Variants in CDH4 observed in about 807,000 individuals in gnomAD.
CDH4 encodes the protein cadherin 4, also known as cadherin-4.
CDH4 carries 33 observed loss-of-function variants against 86.0 expected under a neutral mutation model. The observed-to-expected ratio is 0.38, with a 90% confidence interval of 0.29 to 0.51. The LOEUF is 0.51. Among genes scored for constraint, CDH4 ranks in the 20% least tolerant of loss-of-function variants. The pLI is 0.86. For synonymous variants in CDH4, 555 were observed against 549.4 expected (o/e 1.01, Z -0.14); for missense variants, 1,114 against 1,307.4 (o/e 0.85, Z 2.28).
chr20:61,575,198 C>T (rs1374550929), intron 2 of CDH4, among the ~76,000 whole-genome samples: 1 of 152,202 alleles, frequency 6.6e-6, no homozygotes, highest in Non-Finnish European at 1.5e-5. Context: ...GGCCTAGTTT[C>T]TCTCTATTTC....
intron 5 of CDH4, among the ~76,000 whole-genome samples, chr20:61,852,450 C>T (rs947878118): frequency 1.3e-5 from 2 of 152,252 alleles, no homozygotes; most frequent in African/African-American, 4.8e-5. Context: ...GTCGGTGGCT[C>T]ACGGAACAGT....
At chr20:61,721,318 A>C (rs2088038506) in intron 2 of CDH4, among the ~76,000 whole-genome samples, 1 of 152,208 alleles carries the variant, frequency 6.6e-6, no homozygotes, top group Non-Finnish European at 1.5e-5. Context: ...AATGGATGGA[A>C]TTAAGGCCAG....
At chr20:61,453,656 T>C (rs1389312842) in intron 2 of CDH4, among the ~76,000 whole-genome samples, 1 of 152,196 alleles carries the variant, frequency 6.6e-6, no homozygotes. Flanking sequence ...TAGATTTGAT[T>C]CTATGTATTT....
At chr20:61,872,412 T>C (rs775935346) in intron 6 of CDH4, among the ~76,000 whole-genome samples, 3 of 152,074 alleles carry the variant, frequency 2.0e-5, no homozygotes, top group African/African-American at 4.8e-5. Context: ...GCAGAACAGA[T>C]TGTGCAAGAT....
rs760401271 is a variant in CDH4 at position 61,743,630 on chromosome 20, T to C, written c.237T>C (p.Val79=). 3 of 1,590,952 alleles carry C rather than the reference T, an allele frequency of 1.9e-6. No individual in the cohort carries two copies. Among genetic ancestry groups the C allele is most frequent in the Middle Eastern group, 1.7e-4 (1 of 6,036 alleles). The part of the protein sequence containing the change: ...QYETNSMDFK[V]GADGTVFATR... Reference sequence around the variant, plus strand: ...AGACCAACAGCATGGACTTCAAAGTTGGGGCAGATGGGACAGTCTTCGCCA... The same window carrying C: ...AGACCAACAGCATGGACTTCAAAGTCGGGGCAGATGGGACAGTCTTCGCCA... Residue 79 remains valine, a synonymous_variant, in exon 3 of 16, where the codon GTT becomes GTC. Coordinates refer to ENST00000614565, the MANE Select transcript of CDH4 (RefSeq NM_001794.5).
chr20:61,880,396 T>C (rs1281879353), intron 7 of CDH4, among the ~76,000 whole-genome samples: 1 of 152,088 alleles, frequency 6.6e-6, no homozygotes, highest in East Asian at 1.9e-4. Context: ...AAAAAAATAT[T>C]AGCAATTGAG....
intron 2 of CDH4, among the ~76,000 whole-genome samples, chr20:61,272,798 G>A (rs1269619800): frequency 6.7e-6 from 1 of 149,080 alleles, no homozygotes; most frequent in Non-Finnish European, 1.5e-5. Flanking sequence ...GTTTTGGGGA[G>A]TACCATGCAC....
At chr20:61,858,503 CTG>C (rs1419289141) in intron 6 of CDH4, among the ~76,000 whole-genome samples, 3 of 147,968 alleles carry the variant, frequency 2.0e-5, no homozygotes, top group Admixed American at 6.7e-5. Context: ...ATGTGTGTGT[CTG>C]TGTCTGTGTA....
At chr20:61,556,585 C>T (rs912682572) in intron 2 of CDH4, among the ~76,000 whole-genome samples, 3 of 152,212 alleles carry the variant, frequency 2.0e-5, no homozygotes, top group Non-Finnish European at 2.9e-5. Flanking sequence ...GGCCATCACA[C>T]GGCGAAGACT....
intron 2 of CDH4, among the ~76,000 whole-genome samples, chr20:61,554,675 C>T (rs975420466): frequency 3.9e-5 from 6 of 152,348 alleles, no homozygotes; most frequent in South Asian, 2.1e-4. Context: ...GTGGGTCAGC[C>T]GGCAGAGCAG....
intron 2 of CDH4, among the ~76,000 whole-genome samples, chr20:61,422,162 C>T (rs1297947130): frequency 1.3e-5 from 2 of 152,152 alleles, no homozygotes; most frequent in Non-Finnish European, 2.9e-5. Flanking sequence ...CACGGTGGCT[C>T]ACGCCTGTAA....
At chr20:61,565,194 T>TGGTGGTGGGGA (rs2086265544) in intron 2 of CDH4, among the ~76,000 whole-genome samples, 1 of 52,224 alleles carries the variant, frequency 1.9e-5, no homozygotes, top group African/African-American at 8.5e-5. Flanking sequence ...GTGGTCCTCT[T>TGGTGGTGGGGA]GGTGGTGGTC....
At chr20:61,818,595 T>C (rs990033431) in intron 4 of CDH4, among the ~76,000 whole-genome samples, 67 of 151,810 alleles carry the variant, frequency 4.4e-4, no homozygotes, top group African/African-American at 1.5e-3. Flanking sequence ...GGAGGATTGC[T>C]TGAGTCCCAG....
At chr20:61,658,716 A>C (rs900548085) in intron 2 of CDH4, among the ~76,000 whole-genome samples, 1 of 152,178 alleles carries the variant, frequency 6.6e-6, no homozygotes, top group Non-Finnish European at 1.5e-5. Flanking sequence ...CAAAAGCCCA[A>C]GTACCCAGGA....
intron 2 of CDH4, among the ~76,000 whole-genome samples, chr20:61,635,940 C>T (rs1057406061): frequency 2.6e-5 from 4 of 152,156 alleles, no homozygotes; most frequent in Non-Finnish European, 4.4e-5. Context: ...CGCAGTCTTC[C>T]AGGGAGGGGC....
chr20:61,936,430 A>C (rs3746646), intron 15 of CDH4, among the ~76,000 whole-genome samples: 1 of 27,744 alleles, frequency 3.6e-5, no homozygotes, highest in African/African-American at 1.4e-4. Context: ...CCCCCCCCCC[A>C]TCTGCCCTTG....
intron 7 of CDH4, among the ~76,000 whole-genome samples, chr20:61,884,735 T>C (rs1334577448): frequency 6.6e-6 from 1 of 152,058 alleles, no homozygotes; most frequent in African/African-American, 2.4e-5. Flanking sequence ...GAAATTCACC[T>C]GGACAGGTGG....
At chr20:61,764,341 T>C (rs1364861935) in intron 3 of CDH4, among the ~76,000 whole-genome samples, 3 of 152,188 alleles carry the variant, frequency 2.0e-5, no homozygotes, top group Non-Finnish European at 4.4e-5. Flanking sequence ...CTTCCTTTTG[T>C]CTCTTAAGCT....
At chr20:61,298,520 G>A (rs2427052) in intron 2 of CDH4, among the ~76,000 whole-genome samples, 33,699 of 151,842 alleles carry the variant, frequency 0.22, 3,878 homozygotes, top group Middle Eastern at 0.28. Context: ...TCAGGAACAC[G>A]GCATGCACAA....
Sources: gnomAD v4.1 joint callset for allele counts (sites outside exome capture counted in the v4.1 genomes callset) on GRCh38, gnomAD v4.1.1 for gene constraint, MANE v1.5 for transcripts, NCBI Gene and HGNC (gene_info 2026-07-23, HGNC 2026-07-21) for gene names.